SGCZ: variants seen among roughly 807,000 people sequenced by gnomAD.
SGCZ encodes the protein sarcoglycan zeta, also known as zeta-sarcoglycan.
Under a neutral mutation model 41.3 loss-of-function variants are expected in SGCZ, and 40 were observed. The observed-to-expected ratio is 0.97, with a 90% CI of 0.75 to 1.26. The LOEUF (loss-of-function observed/expected upper bound fraction) is 1.26. Ranked by LOEUF, SGCZ falls within the 50% of genes most tolerant of loss-of-function variation. SGCZ has a pLI of 0.00. For synonymous variants in SGCZ, 206 were observed against 137.5 expected (o/e 1.50, Z -3.49); for missense variants, 552 against 369.8 (o/e 1.49, Z -4.04).
At chr8:14,243,032 A>G (rs1798946345) in intron 3 of SGCZ, among the ~76,000 whole-genome samples, 1 of 152,222 alleles carries the variant, frequency 6.6e-6, no homozygotes, top group Admixed American at 6.5e-5. Flanking sequence ...TTTTGGTAGC[A>G]TGACCTTGTT....
chr8:14,930,907 C>A (rs569192187), intron 1 of SGCZ, among the ~76,000 whole-genome samples: 2 of 151,992 alleles, frequency 1.3e-5, no homozygotes, highest in South Asian at 4.2e-4. Flanking sequence ...GGAGAAATAC[C>A]TACTTTAGAT....
chr8:14,124,114 C>T (rs969169623), intron 5 of SGCZ, among the ~76,000 whole-genome samples: 1 of 152,118 alleles, frequency 6.6e-6, no homozygotes, highest in Non-Finnish European at 1.5e-5. Context: ...CAGGTTCAAA[C>T]TTGTAACCTC....
intron 4 of SGCZ, among the ~76,000 whole-genome samples, chr8:14,191,347 C>G (rs1311523776): frequency 2.0e-5 from 3 of 151,974 alleles, no homozygotes; most frequent in African/African-American, 4.8e-5. Flanking sequence ...TTGATACAAC[C>G]TCACTTATTT....
chr8:14,788,947 T>C (rs528207995), intron 1 of SGCZ, among the ~76,000 whole-genome samples: 2 of 152,186 alleles, frequency 1.3e-5, no homozygotes, highest in South Asian at 2.1e-4. Context: ...TCTGTCTCTA[T>C]AAAAAACTAA....
intron 3 of SGCZ, among the ~76,000 whole-genome samples, chr8:14,323,701 TG>T (rs1802004518): frequency 6.6e-6 from 1 of 152,140 alleles, no homozygotes; most frequent in African/African-American, 2.4e-5. Flanking sequence ...TTTTAGAAAA[TG>T]CATGTCTATT....
At chr8:14,712,750 A>C (rs1007699921) in intron 1 of SGCZ, among the ~76,000 whole-genome samples, 2 of 152,052 alleles carry the variant, frequency 1.3e-5, no homozygotes, top group Admixed American at 6.6e-5. Context: ...TGCATTGCTA[A>C]CTCAGACGCA....
chr8:14,915,033 C>T (rs1013078993), intron 1 of SGCZ, among the ~76,000 whole-genome samples: 47 of 152,160 alleles, frequency 3.1e-4, no homozygotes, highest in Admixed American at 3.1e-3. Context: ...TATCTTACCC[C>T]AGTAAAAATA....
intron 1 of SGCZ, among the ~76,000 whole-genome samples, chr8:14,784,800 G>T (rs183762731): frequency 2.0e-5 from 3 of 149,812 alleles, no homozygotes; most frequent in African/African-American, 4.9e-5. Context: ...TACTCAGGAG[G>T]CTGAGGCAGG....
At chr8:14,557,866 A>G (rs1804080822) in intron 1 of SGCZ, among the ~76,000 whole-genome samples, 1 of 152,150 alleles carries the variant, frequency 6.6e-6, no homozygotes, top group Non-Finnish European at 1.5e-5. Context: ...CAACAGATAA[A>G]TGAAACACAA....
chr8:14,938,759 C>CA (rs771193379), intron 1 of SGCZ, among the ~76,000 whole-genome samples: 1 of 151,866 alleles, frequency 6.6e-6, no homozygotes, highest in Non-Finnish European at 1.5e-5. Flanking sequence ...AATGGAAAAC[C>CA]AAATACCGTG....
chr8:15,032,121 A>G (rs567926629), intron 1 of SGCZ, among the ~76,000 whole-genome samples: 1 of 152,228 alleles, frequency 6.6e-6, no homozygotes, highest in African/African-American at 2.4e-5. Flanking sequence ...ATACAATAGC[A>G]TATATTTGGT....
intron 2 of SGCZ, among the ~76,000 whole-genome samples, chr8:14,447,838 A>G (rs1049567598): frequency 1.3e-5 from 2 of 152,188 alleles, no homozygotes; most frequent in Non-Finnish European, 2.9e-5. Context: ...CTTTACAGCC[A>G]TCTCTTTGAG....
intron 2 of SGCZ, among the ~76,000 whole-genome samples, chr8:14,353,018 G>A (rs1382479457): frequency 6.6e-6 from 1 of 151,706 alleles, no homozygotes; most frequent in Non-Finnish European, 1.5e-5. Context: ...CAACTTTCTG[G>A]GCGTTCTTAC....
intron 1 of SGCZ, among the ~76,000 whole-genome samples, chr8:15,050,874 A>C (rs1036936017): frequency 1.3e-5 from 2 of 152,188 alleles, no homozygotes; most frequent in Non-Finnish European, 2.9e-5. Flanking sequence ...CATATGCCTG[A>C]ATGTTTATTG....
intron 2 of SGCZ, among the ~76,000 whole-genome samples, chr8:14,337,436 A>C (rs1168553163): frequency 6.6e-6 from 1 of 152,116 alleles, no homozygotes; most frequent in Admixed American, 6.6e-5. Context: ...TGGTCAGAAC[A>C]TAAGATTAGA....
intron 1 of SGCZ, among the ~76,000 whole-genome samples, chr8:15,125,225 C>A (rs1420317608): frequency 6.6e-6 from 1 of 152,090 alleles, no homozygotes; most frequent in Non-Finnish European, 1.5e-5. Context: ...TTAGACTGAA[C>A]AAGGAAAAAC....
chr8:14,332,447 AT>A (rs1802367003), intron 2 of SGCZ: 1 of 152,104 alleles, frequency 6.6e-6, no homozygotes, highest in Non-Finnish European at 1.5e-5. Context: ...TCTCAAAAAA[AT>A]AAAATAAAAT....
intron 1 of SGCZ, among the ~76,000 whole-genome samples, chr8:14,600,879 G>A (rs1199014815): frequency 1.3e-5 from 2 of 151,258 alleles, no homozygotes; most frequent in African/African-American, 2.4e-5. Context: ...CATTAAAATA[G>A]ACCTCAAGCC....
At chr8:14,489,866 C>CATTTTTTTTTTTTTTTTTTTTTTTTT (rs142314868) in intron 2 of SGCZ, among the ~76,000 whole-genome samples, 5 of 137,480 alleles carry the variant, frequency 3.6e-5, no homozygotes, top group African/African-American at 5.7e-5. Context: ...AATTCTCCTA[C>CATTTTTTTTTTTTTTTTTTTTTTTTT]CTTTTTTTTT....
Sources: gnomAD v4.1 joint callset for allele counts (sites outside exome capture counted in the v4.1 genomes callset) on GRCh38, gnomAD v4.1.1 for gene constraint, MANE v1.5 for transcripts, NCBI Gene and HGNC (gene_info 2026-07-23, HGNC 2026-07-21) for gene names.